CACNA1S: variants seen among roughly 807,000 people sequenced by gnomAD.
CACNA1S encodes the protein voltage-dependent L-type calcium channel subunit alpha-1S.
A neutral mutation model predicts 207.4 loss-of-function variants in CACNA1S; 126 were observed. The observed-to-expected ratio is 0.61, with a 90% CI of 0.53 to 0.70. CACNA1S has a LOEUF of 0.70. CACNA1S is among the 30% of genes least tolerant of loss of function. The pLI is 0.00. For missense variants in CACNA1S, 2,349 were observed against 2,422.8 expected (o/e 0.97, Z 0.64); for synonymous variants, 960 against 932.7 (o/e 1.03, Z -0.53).
At position 201,085,014 on chromosome 1, in the gene CACNA1S, C is replaced by T; in HGVS notation, c.1168G>A (p.Glu390Lys). The change falls in exon 9 of 44, where the codon GAA becomes AAA. Residue 390 changes from glutamate (E) to lysine (K), a missense_variant. Physicochemically the swap from Glu to Lys is moderately conservative, Grantham distance 56. Coordinates refer to ENST00000362061, the MANE Select transcript of CACNA1S (RefSeq NM_000069.3). ...DFREGKLSLD[E>K]GGSDTESLYE... is the part of the protein sequence containing the mutation. ...AGGCTCTCTGTGTCAGAGCCACCTT[C>T]ATCCAAAGACAGTTTTCCTGGAGAC... 6.2e-7 allele frequency: 1 copy of T among 1,611,520 alleles called. No homozygotes were observed. Among genetic ancestry groups the T allele is most frequent in the Non-Finnish European group, 8.5e-7 (1 of 1,179,760 alleles).
rs1558068006 is a variant in CACNA1S, at chr1:201,070,362, CG to C, written c.2269del (p.Arg757AspfsTer10). The C allele has an allele frequency of 1.2e-6, 2 of 1,614,024 alleles. No homozygotes were observed. The highest frequency in any genetic ancestry group is 1.7e-6 in the Non-Finnish European group (2 of 1,180,008). On this transcript the variant is annotated frameshift_variant, in exon 17 of 44. Coordinates refer to ENST00000362061, the MANE Select transcript of CACNA1S (RefSeq NM_000069.3). LOFTEE classifies it high-confidence loss of function. Reference sequence around the variant, plus strand: ...CTGCAGCTCAGCCAGGGGACGTGGTCGGGGGCTCAGCGGGATCTCAGGCTCA... The same window carrying C: ...CTGCAGCTCAGCCAGGGGACGTGGTCGGGGCTCAGCGGGATCTCAGGCTCA... ...EDEPEIPLSP[R>X]PRPLAELQLK...
At chr1:201,062,602 G>T in intron 22 of CACNA1S, 88 bp from the exon 23 acceptor site, 4 of 1,166,630 alleles carry the variant, frequency 3.4e-6, no homozygotes, top group Non-Finnish European at 5.1e-6. Context: ...AACAGTGGAA[G>T]GGGGGAGGGA....
At chr1:201,085,099 G>T (rs529093621) in intron 8 of CACNA1S, 68 bp from the exon 9 acceptor site, 2 of 1,106,720 alleles carry the variant, frequency 1.8e-6, no homozygotes, top group Non-Finnish European at 2.7e-6. Context: ...CCTGGACTGG[G>T]CACCCGAGAC....
intron 19 of CACNA1S, 112 bp downstream of exon 19, chr1:201,069,025 G>T: frequency 1.0e-6 from 1 of 952,622 alleles, no homozygotes; most frequent in Non-Finnish European, 1.7e-6. Flanking sequence ...AGTCTTTCCT[G>T]CCAGTCTCCA....
rs1660744315 is a variant in CACNA1S at position 201,053,960 on chromosome 1, C to G, written c.3667-373G>C. 6.6e-6 allele frequency among the ~76,000 whole-genome samples: 1 copy of G among 152,086 alleles called. No homozygotes were observed. Among genetic ancestry groups the G allele is most frequent in the African/African-American group, 2.4e-5 (1 of 41,430 alleles). ...CACTGAGTCGAGGACCCTGGTGGCC[C>G]TCCTAGGGCTCCTCCCCTGGCGTCC... On this transcript the variant is annotated intron_variant, in intron 29 of 43. Transcript: ENST00000362061. This position sits in a 1 kb window ranked among gnomAD's most constrained non-coding sequence, Gnocchi z 5.1.
At chr1:201,061,795 C>T (rs1661059210) in intron 24 of CACNA1S, 149 bp downstream of exon 24, 4 of 926,614 alleles carry the variant, frequency 4.3e-6, no homozygotes, top group Non-Finnish European at 7.0e-6. Flanking sequence ...GACCAGTCAA[C>T]ATACCATCAA....
chr1:201,047,998 T>A (rs948671593), intron 36 of CACNA1S, among the ~76,000 whole-genome samples: 1 of 152,218 alleles, frequency 6.6e-6, no homozygotes, highest in Non-Finnish European at 1.5e-5. Context: ...TGACTTCTGG[T>A]CTTCCTCATC....
intron 2 of CACNA1S, among the ~76,000 whole-genome samples, chr1:201,098,927 A>G (rs1662538927): frequency 1.3e-5 from 2 of 152,000 alleles, no homozygotes; most frequent in Non-Finnish European, 2.9e-5. Context: ...ACTTAGCTGG[A>G]GGTTGGCGTG....
At chr1:201,074,989 C>A (rs1363494145) in intron 13 of CACNA1S, among the ~76,000 whole-genome samples, 6 of 152,172 alleles carry the variant, frequency 3.9e-5, no homozygotes, top group African/African-American at 1.4e-4. Flanking sequence ...TTCCAAGGTG[C>A]AGGCACCAGG....
In CACNA1S at chr1:201,077,955, C is replaced by G; in HGVS notation, c.1543G>C (p.Glu515Gln). The G allele has an allele frequency of 6.2e-7, 1 of 1,614,174 alleles. No individual in the cohort carries two copies. The highest frequency in any genetic ancestry group is 1.1e-5 in the South Asian group (1 of 91,078). The change falls in exon 11 of 44, where the codon GAG becomes CAG. Residue 515 changes from glutamate (E) to glutamine (Q), a missense_variant. Coordinates refer to ENST00000362061, the MANE Select transcript of CACNA1S (RefSeq NM_000069.3). ...CSGILEILLV[E>Q]SGAMTPLGIS... ...CCCAGGGGTGTCATGGCACCCGACT[C>G]CACCAGCAGGATCTCCAGGATACCG...
At chr1:201,046,119 G>A (rs1208704900) in intron 38 of CACNA1S, among the ~76,000 whole-genome samples, 1 of 151,616 alleles carries the variant, frequency 6.6e-6, no homozygotes, top group Admixed American at 6.6e-5. Context: ...AAAACAAAAA[G>A]TTCTAAAGTT....
At chr1:201,097,733 A>G (rs1323644902) in intron 2 of CACNA1S, among the ~76,000 whole-genome samples, 1 of 152,146 alleles carries the variant, frequency 6.6e-6, no homozygotes, top group Non-Finnish European at 1.5e-5. Flanking sequence ...CTTGGGGGCC[A>G]GGGTCACTCT....
intron 10 of CACNA1S, among the ~76,000 whole-genome samples, chr1:201,079,554 TA>T (rs1661767087): frequency 3.7e-5 from 5 of 135,024 alleles, no homozygotes; most frequent in East Asian, 4.5e-4. Context: ...TCCCCACCCC[TA>T]CCCCTCCACT....
At chr1:201,056,788 T>G (rs1042563187) in intron 28 of CACNA1S, among the ~76,000 whole-genome samples, 3 of 152,216 alleles carry the variant, frequency 2.0e-5, no homozygotes, top group Non-Finnish European at 4.4e-5. Context: ...TGGCTGGAAC[T>G]GCCTCCCTGC....
rs531268885 is a variant in CACNA1S, at chr1:201,088,280, A to G, written c.901-351T>C. On this transcript the variant is annotated intron_variant, in intron 6 of 43. Coordinates refer to ENST00000362061, the MANE Select transcript of CACNA1S (RefSeq NM_000069.3). ...ATTTATTTAAAGCCAAGATTTTTCA[A>G]ATGAACAACGTCTGTGACCCCGGAC... 8.5e-5 allele frequency among the ~76,000 whole-genome samples: 13 copies of G among 152,288 alleles called. No homozygotes were observed. In the South Asian group the frequency reaches 1.5e-3, roughly 17 times the overall value.
intron 2 of CACNA1S, 80 bp downstream of exon 2, chr1:201,110,084 A>G (rs1663038206): frequency 2.4e-6 from 3 of 1,274,374 alleles, no homozygotes; most frequent in Admixed American, 3.4e-5. Flanking sequence ...ACCATCCCCC[A>G]GAACAGAGTC....
At chr1:201,056,513 C>T (rs1660851466) in intron 28 of CACNA1S, among the ~76,000 whole-genome samples, 1 of 152,210 alleles carries the variant, frequency 6.6e-6, no homozygotes, top group Non-Finnish European at 1.5e-5. Flanking sequence ...AGCTTTGGGA[C>T]CAGTCCCCTG....
chr1:201,078,498 C>A (rs953711811), intron 10 of CACNA1S, among the ~76,000 whole-genome samples: 7 of 129,278 alleles, frequency 5.4e-5, no homozygotes, highest in African/African-American at 1.8e-4. Context: ...CTATGCCCAG[C>A]GAATTTTTAA....
Position 201,074,550 on chromosome 1 carries a change from G to A in CACNA1S, c.2019C>T (p.Ala673=). The change falls in exon 14 of 44, where the codon GCC becomes GCT. Residue 673 remains alanine (A), a synonymous_variant. Coordinates refer to ENST00000362061, the MANE Select transcript of CACNA1S (RefSeq NM_000069.3). ...TTTTCTCCTCAGCCTTGGCCTTCTG[G>A]GCAGAAGTCAGGCTCTCCGCCTCGG... ...NLAEAESLTS[A]QKAKAEEKKR... is the part of the protein sequence containing the mutation. 2 of 1,613,984 alleles carry A rather than the reference G, an allele frequency of 1.2e-6. No homozygotes were observed. Among genetic ancestry groups the A allele is most frequent in the East Asian group, 2.2e-5 (1 of 44,880 alleles).
Sources: allele counts gnomAD v4.1 joint callset (sites outside exome capture counted in the v4.1 genomes callset), GRCh38; gene constraint gnomAD v4.1.1; non-coding constraint Gnocchi (gnomAD v3.1); transcripts MANE v1.5; gene names NCBI Gene and HGNC (gene_info 2026-07-23, HGNC 2026-07-21).